MPP7: variants seen among roughly 807,000 people sequenced by gnomAD.
The protein encoded by MPP7 is MAGUK p55 scaffold protein 7, also known as MAGUK p55 subfamily member 7.
In MPP7, 60 loss-of-function variants were observed where a neutral mutation model predicts 76.5. The ratio of observed to expected loss-of-function variants is 0.78; its 90% CI spans 0.64 to 0.97. The LOEUF (loss-of-function observed/expected upper bound fraction) is 0.97, where lower values mean the gene tolerates loss of function less well. Among genes scored for constraint, MPP7 ranks in the 50% least tolerant of loss-of-function variants. The pLI, the probability that MPP7 is intolerant of heterozygous loss-of-function variation, is 0.00. For synonymous variants in MPP7, 237 were observed against 244.5 expected (o/e 0.97, Z 0.29); for missense variants, 641 against 694.0 (o/e 0.92, Z 0.86).
chr10:28,279,970 T>C (rs1218878182), intron 1 of MPP7: 2 of 152,070 alleles, frequency 1.3e-5, no homozygotes, highest in Non-Finnish European at 2.9e-5. Flanking sequence ...GCTATCTGAA[T>C]GGGGCAACCA....
chr10:28,238,911 G>C lies in MPP7; in HGVS notation c.-131-176C>G, dbSNP rs769969546. 7.2e-5 allele frequency among the ~76,000 whole-genome samples: 11 copies of C among 152,264 alleles called. No homozygotes were observed. The South Asian group carries it at 1.0e-3, about 14-fold the overall frequency. ...CTGTGAGAGTTTCTGATCTTGACAA[G>C]CAACTTCGAATTGAAAACATGAATG... On this transcript the variant is annotated intron_variant, in intron 1 of 16. Coordinates refer to ENST00000683449, the MANE Select transcript of MPP7 (RefSeq NM_001318170.2).
intron 2 of MPP7, among the ~76,000 whole-genome samples, chr10:28,234,381 A>G (rs1588961597): frequency 1.3e-5 from 2 of 152,220 alleles, no homozygotes; most frequent in East Asian, 3.8e-4. Context: ...GAGAGAAAAG[A>G]CAAAGAATTC....
chr10:28,067,924 A>G (rs780610239), intron 13 of MPP7, among the ~76,000 whole-genome samples: 1 of 152,198 alleles, frequency 6.6e-6, no homozygotes, highest in Non-Finnish European at 1.5e-5. Flanking sequence ...ACTCAAGTCA[A>G]CATATCCTTT....
chr10:28,306,467 A>G (rs1369087858), upstream of MPP7, among the ~76,000 whole-genome samples: 1 of 152,130 alleles, frequency 6.6e-6, no homozygotes. Context: ...CCTGAGCAAC[A>G]TAGCAAGACA....
chr10:28,119,572 T>G, intron 11 of MPP7, 79 bp downstream of exon 11: 1 of 1,165,060 alleles, frequency 8.6e-7, no homozygotes, highest in South Asian at 1.3e-5. Flanking sequence ...GACCCTTTGT[T>G]CTGCCATGAG....
intron 3 of MPP7, among the ~76,000 whole-genome samples, chr10:28,201,035 C>A (rs1490198651): frequency 6.6e-6 from 1 of 152,130 alleles, no homozygotes; most frequent in African/African-American, 2.4e-5. Flanking sequence ...AATCCCAAGA[C>A]CATGCCTAAT....
At chr10:28,307,396 A>G (rs908700158), upstream of MPP7, among the ~76,000 whole-genome samples, 9 of 152,242 alleles carry the variant, frequency 5.9e-5, no homozygotes, top group Middle Eastern at 3.4e-3. Flanking sequence ...CCTGACATCA[A>G]TGTATTCAAA....
chr10:28,208,140 G>A (rs985547156), intron 2 of MPP7, among the ~76,000 whole-genome samples: 7 of 152,126 alleles, frequency 4.6e-5, no homozygotes, highest in African/African-American at 1.7e-4. Context: ...CCAAGGCTAA[G>A]ACTCAGAGCT....
chr10:28,332,246 C>CGTGCGT (rs151160779), intron 1 of MPP7, among the ~76,000 whole-genome samples: 1 of 146,794 alleles, frequency 6.8e-6, no homozygotes, highest in African/African-American at 2.5e-5. Context: ...CAAATGTATG[C>CGTGCGT]GTGTGTGTGT....
chr10:28,109,118 T>C (rs893969229), intron 11 of MPP7, among the ~76,000 whole-genome samples: 16 of 152,056 alleles, frequency 1.1e-4, no homozygotes, highest in Admixed American at 9.8e-4. Flanking sequence ...CGAAACCCTG[T>C]CTCTACTAAA....
intron 13 of MPP7, 22 bp downstream of exon 13, chr10:28,069,750 C>G: frequency 6.3e-7 from 1 of 1,580,522 alleles, no homozygotes; most frequent in Non-Finnish European, 8.7e-7. Context: ...GTCATAGGAA[C>G]ACTGAGTAGC....
At chr10:28,194,531 T>C (rs1444088442) in intron 3 of MPP7, among the ~76,000 whole-genome samples, 1 of 152,218 alleles carries the variant, frequency 6.6e-6, no homozygotes, top group Non-Finnish European at 1.5e-5. Context: ...CTAAATCCTA[T>C]TCAGCAATAC....
Position 28,118,199 on chromosome 10 carries a change from C to A in MPP7, c.952+1452G>T, listed in dbSNP as rs1035641136. On this transcript the variant is annotated intron_variant, in intron 11 of 16. Coordinates refer to ENST00000683449, the MANE Select transcript of MPP7 (RefSeq NM_001318170.2). Reference sequence around the variant, plus strand: ...ACACAAACAAACACACATACCCCCACACACACCTCACCTTCCTATGCATCT... The same window carrying A: ...ACACAAACAAACACACATACCCCCAAACACACCTCACCTTCCTATGCATCT... 20 of 985,198 alleles carry A rather than the reference C, an allele frequency of 2.0e-5. 1 individual carries two copies. The Admixed American group carries it at 1.2e-3, about 58-fold the overall frequency. 61.0% of individuals were successfully genotyped at this position (985,198 alleles called of 1,614,324 possible).
intron 3 of MPP7, among the ~76,000 whole-genome samples, chr10:28,177,041 G>GA (rs1306337124): frequency 6.7e-6 from 1 of 148,444 alleles, no homozygotes; most frequent in Non-Finnish European, 1.5e-5. Flanking sequence ...AAAAAAAAAA[G>GA]AAAGAAAAGA....
intron 11 of MPP7, among the ~76,000 whole-genome samples, chr10:28,106,437 T>C (rs1198943289): frequency 1.3e-5 from 2 of 152,200 alleles, no homozygotes; most frequent in Admixed American, 1.3e-4. Flanking sequence ...GGAGATTTCC[T>C]TAGAAAGTTA....
chr10:28,149,152 T>C (rs899159412), intron 4 of MPP7, among the ~76,000 whole-genome samples: 2 of 152,234 alleles, frequency 1.3e-5, no homozygotes, highest in African/African-American at 4.8e-5. Flanking sequence ...GATGGCCAAT[T>C]TTTTAATTAT....
At chr10:28,276,109 C>T (rs1249278905) in intron 1 of MPP7, among the ~76,000 whole-genome samples, 2 of 149,910 alleles carry the variant, frequency 1.3e-5, no homozygotes, top group Non-Finnish European at 2.9e-5. Flanking sequence ...CAGCTCACTG[C>T]AAACTCCACC....
At chr10:28,087,671 C>G (rs987212719) in intron 12 of MPP7, among the ~76,000 whole-genome samples, 17 of 152,234 alleles carry the variant, frequency 1.1e-4, no homozygotes, top group African/African-American at 3.1e-4. Context: ...GCTGGGATTA[C>G]AGGCATGAGC....
chr10:28,174,180 A>G (rs79552443), intron 3 of MPP7, among the ~76,000 whole-genome samples: 4,723 of 152,298 alleles, frequency 0.031, 94 homozygotes, highest in South Asian at 0.06. Flanking sequence ...AACGACTGTC[A>G]TACACTGATC....
Sources: allele counts gnomAD v4.1 joint callset (sites outside exome capture counted in the v4.1 genomes callset), GRCh38; gene constraint gnomAD v4.1.1; transcripts MANE v1.5; gene names NCBI Gene and HGNC (gene_info 2026-07-23, HGNC 2026-07-21).